The following LACTB2 variants were observed in gnomAD, a reference collection of about 807,000 sequenced individuals.
LACTB2 encodes the protein lactamase beta 2, also known as endoribonuclease LACTB2.
Under a neutral mutation model 34.8 loss-of-function variants are expected in LACTB2, and 32 were observed. The ratio of observed to expected loss-of-function variants is 0.92; its 90% CI spans 0.69 to 1.24. The LOEUF is 1.24. Ranked by LOEUF, LACTB2 falls within the 50% of genes most tolerant of loss-of-function variation. LACTB2 has a pLI of 0.00. For missense variants in LACTB2, 320 were observed against 345.0 expected, an observed-to-expected ratio of 0.93 and a Z score of 0.57; for synonymous variants, 120 against 117.5, an observed-to-expected ratio of 1.02 and a Z score of -0.14.
rs1477112010 is a variant in LACTB2, at chr8:70,661,884, C to T, written c.136G>A (p.Asp46Asn). 2 of 1,605,214 alleles carry T rather than the reference C, an allele frequency of 1.2e-6. No individual in the cohort carries two copies. The highest frequency in any genetic ancestry group is 1.7e-6 in the Non-Finnish European group (2 of 1,176,866). The change falls in exon 2 of 7, where the codon GAC (aspartate) becomes AAC (asparagine). Residue 46 changes from aspartate (D) to asparagine (N), a missense_variant. By Grantham distance (23) the Asp-to-Asn change is conservative. Transcript: ENST00000276590. ...TCTGGAATTGCTGGTTCTCCAGTGT[C>T]AATGAGGATTCTCCTGAAAATTAAA... ...VGTGPRRILI[D>N]TGEPAIPEYI...
rs768106100 is a variant in LACTB2, at chr8:70,644,200, G to T, written c.457C>A (p.Leu153Ile). The change falls in exon 4 of 7, where the codon CTC (leucine) becomes ATC (isoleucine). Residue 153 changes from leucine to isoleucine, a missense_variant. Coordinates refer to ENST00000276590, the MANE Select transcript of LACTB2 (RefSeq NM_016027.3). ...AAGATAGCATTTTCCTCTTCTAAGA[G>T]TAGAGCCATGTGATCATCAGTGTGG... ...PGHTDDHMAL[L>I]LEEENAIFSG... 1.2e-6 allele frequency: 2 copies of T among 1,611,944 alleles called. No homozygotes were observed. The highest frequency in any genetic ancestry group is 2.2e-5 in the South Asian group (2 of 90,498).
At chr8:70,657,428 ATTTTTTT>A (rs777806428) in intron 3 of LACTB2, among the ~76,000 whole-genome samples, 1 of 115,822 alleles carries the variant, frequency 8.6e-6, no homozygotes, top group Non-Finnish European at 1.8e-5. Flanking sequence ...CAGATCTTCT[ATTTTTTT>A]TTTTTTTTTT....
intron 3 of LACTB2, among the ~76,000 whole-genome samples, chr8:70,656,222 A>G (rs1466285279): frequency 6.6e-6 from 1 of 152,118 alleles, no homozygotes; most frequent in Non-Finnish European, 1.5e-5. Context: ...TTTTTAATAC[A>G]TTTGCTTTCG....
intron 2 of LACTB2, chr8:70,661,013 C>G (rs1563408156): frequency 2.2e-6 from 1 of 450,632 alleles, no homozygotes; most frequent in Non-Finnish European, 4.5e-6. Context: ...CTCCTGAGCT[C>G]AAGCAATCCA....
Position 70,637,796 on chromosome 8 carries a change from T to A in LACTB2, c.*64A>T, listed in dbSNP as rs1305778468. ...CTTTTATATTCTCTATAAAATAACC[T>A]ATAGTTAAGAAAACATACCATTCTC... is the stretch of plus-strand genomic sequence containing the variant. On this transcript the variant is annotated 3_prime_UTR_variant, in exon 7 of 7. Transcript: ENST00000276590. 52 of 957,788 alleles carry A rather than the reference T, an allele frequency of 5.4e-5. No individual in the cohort carries two copies. The highest frequency in any genetic ancestry group is 7.5e-5 in the Non-Finnish European group (48 of 637,762). 59.3% of individuals were successfully genotyped at this position (957,788 alleles called of 1,614,324 possible).
At chr8:70,668,861 G>T in intron 1 of LACTB2, 138 bp downstream of exon 1, 1 of 1,176,730 alleles carries the variant, frequency 8.5e-7, no homozygotes, top group Non-Finnish European at 1.2e-6. Flanking sequence ...GTGCAGTCCC[G>T]ACGGGGCTGC....
rs749860229 is a variant in LACTB2, at chr8:70,644,170, C to T, written c.487G>A (p.Gly163Arg). The T allele has an allele frequency of 4.3e-6, 7 of 1,612,724 alleles. No homozygotes were observed. Among genetic ancestry groups the T allele is most frequent in the Non-Finnish European group, 5.9e-6 (7 of 1,179,132 alleles). The part of the protein sequence containing the change: ...LLEEENAIFS[G>R]DCILGEGTTV... Reference sequence around the variant, plus strand: ...GTTCCTTCCCCTAGGATGCAATCTCCAGAAAAGATAGCATTTTCCTCTTCT... The same window carrying T: ...GTTCCTTCCCCTAGGATGCAATCTCTAGAAAAGATAGCATTTTCCTCTTCT... The change falls in exon 4 of 7, where the codon GGA becomes AGA. Residue 163 changes from glycine to arginine, a missense_variant. By Grantham distance (125) the Gly-to-Arg change is moderately radical. Coordinates refer to ENST00000276590, the MANE Select transcript of LACTB2 (RefSeq NM_016027.3).
In LACTB2 at chr8:70,638,647, G is replaced by T; in HGVS notation, c.742-18C>A. 1 of 1,322,962 alleles carries T rather than the reference G, an allele frequency of 7.6e-7. No individual in the cohort carries two copies. The highest frequency in any genetic ancestry group is 9.8e-7 in the Non-Finnish European group (1 of 1,024,550). 82.0% of individuals were successfully genotyped at this position (1,322,962 alleles called of 1,614,324 possible). On this transcript the variant is annotated intron_variant, in intron 5 of 6. Transcript: ENST00000276590. ...GGAGTATTCTAAAAGAAAAATGAAG[G>T]TGAAAAAAATTCCTTTTTTTTTAAA...
In LACTB2 at chr8:70,640,383, C is replaced by CA. The variant is rs568240900; in HGVS notation, c.741+518dup. On this transcript the variant is annotated intron_variant, in intron 5 of 6. Coordinates refer to ENST00000276590, the MANE Select transcript of LACTB2 (RefSeq NM_016027.3). The stretch of plus-strand genomic sequence containing the variant: ...AGTGCTGTCAATACAGTGATATTCT[C>CA]AGAGGCCAGTGAGGTGTAAGGCTCT... 7.6e-3 allele frequency among the ~76,000 whole-genome samples: 1,119 copies of CA among 147,040 alleles called. 7 individuals carry two copies. Among genetic ancestry groups the CA allele is most frequent in the Non-Finnish European group, 0.013 (855 of 66,240 alleles).
chr8:70,666,219 G>A (rs543724313), intron 1 of LACTB2, among the ~76,000 whole-genome samples: 33 of 152,318 alleles, frequency 2.2e-4, no homozygotes, highest in African/African-American at 7.9e-4. Flanking sequence ...TCACTGAACT[G>A]ATGTTATAGT....
intron 1 of LACTB2, among the ~76,000 whole-genome samples, chr8:70,666,689 G>A (rs971155111): frequency 1.3e-5 from 2 of 152,256 alleles, no homozygotes; most frequent in African/African-American, 4.8e-5. Context: ...GCCTAAGCAA[G>A]AGTTGTGCTG....
At chr8:70,643,971 G>C (rs916387216) in intron 4 of LACTB2, 94 bp downstream of exon 4, 12 of 1,262,436 alleles carry the variant, frequency 9.5e-6, no homozygotes, top group Admixed American at 3.2e-5. Context: ...AGGACTGCTT[G>C]AGGTCAGGAG....
At chr8:70,658,593 C>T (rs554681208) in intron 2 of LACTB2, among the ~76,000 whole-genome samples, 10 of 152,128 alleles carry the variant, frequency 6.6e-5, no homozygotes, top group Non-Finnish European at 1.0e-4. Context: ...ATGGACAATT[C>T]GGCTAATAAA....
rs745533783 is a variant in LACTB2 at position 70,668,619 on chromosome 8, C to T, written c.122+380G>A. 2.6e-5 allele frequency among the ~76,000 whole-genome samples: 4 copies of T among 152,176 alleles called. No individual in the cohort carries two copies. In the South Asian group the frequency reaches 8.3e-4, roughly 31 times the overall value. On this transcript the variant is annotated intron_variant, in intron 1 of 6. Coordinates refer to ENST00000276590, the MANE Select transcript of LACTB2 (RefSeq NM_016027.3). ...GGGAAGTTACACTCTGGGCAAAACA[C>T]CAGTGAAAGTCAAGTGAGCAAAGTA...
At chr8:70,643,242 G>A (rs1406969635) in intron 4 of LACTB2, among the ~76,000 whole-genome samples, 1 of 67,074 alleles carries the variant, frequency 1.5e-5, no homozygotes, top group Non-Finnish European at 2.8e-5. Flanking sequence ...TTTTTTTTTT[G>A]AGACAGAGTT....
intron 3 of LACTB2, chr8:70,651,712 T>C (rs112541197): frequency 4.6e-5 from 7 of 152,110 alleles, no homozygotes; most frequent in African/African-American, 1.7e-4. Context: ...AGAAAACAAG[T>C]AGCAGGGTTT....
chr8:70,665,845 C>T (rs1345660590), intron 1 of LACTB2, among the ~76,000 whole-genome samples: 1 of 152,162 alleles, frequency 6.6e-6, no homozygotes, highest in African/African-American at 2.4e-5. Flanking sequence ...AAAGTATGTA[C>T]AATTTTGATA....
chr8:70,660,299 A>C (rs1818465634), intron 2 of LACTB2: 1 of 287,028 alleles, frequency 3.5e-6, no homozygotes, highest in African/African-American at 2.2e-5. Flanking sequence ...AGATTAAAAG[A>C]AGAGGTAAGA....
At chr8:70,645,050 T>TTA (rs560448122) in intron 3 of LACTB2, among the ~76,000 whole-genome samples, 19 of 151,486 alleles carry the variant, frequency 1.3e-4, no homozygotes, top group East Asian at 7.8e-4. Context: ...TTACATCATT[T>TTA]TATATATATA....
Sources: gnomAD v4.1 joint callset for allele counts (sites outside exome capture counted in the v4.1 genomes callset) on GRCh38, gnomAD v4.1.1 for gene constraint, MANE v1.5 for transcripts, NCBI Gene and HGNC (gene_info 2026-07-23, HGNC 2026-07-21) for gene names.